The following KHDRBS2 variants were observed in gnomAD, a reference collection of about 807,000 sequenced individuals.
KHDRBS2 encodes KH domain-containing, RNA-binding, signal transduction-associated protein 2.
KHDRBS2 carries 26 observed loss-of-function variants against 44.3 expected under a neutral mutation model. The observed-to-expected ratio is 0.59, with a 90% CI of 0.43 to 0.81. KHDRBS2 has a LOEUF of 0.81. KHDRBS2 is among the 40% of genes least tolerant of loss of function. KHDRBS2 has a pLI of 0.00. For missense variants in KHDRBS2, 476 were observed against 433.1 expected (o/e 1.10, Z -0.88); for synonymous variants, 194 against 151.1 (o/e 1.28, Z -2.08).
At chr6:61,681,353 T>C (rs1204115) in intron 8 of KHDRBS2, among the ~76,000 whole-genome samples, 128,439 of 151,796 alleles carry the variant, frequency 0.85, 54,662 homozygotes, top group Non-Finnish European at 0.9. Flanking sequence ...ATAAATAAAT[T>C]GGATATAGGA....
At chr6:61,856,597 GAT>G (rs1320988191) in intron 6 of KHDRBS2, among the ~76,000 whole-genome samples, 41 of 151,556 alleles carry the variant, frequency 2.7e-4, no homozygotes, top group Non-Finnish European at 8.8e-5. Context: ...TTATTTTCAA[GAT>G]AAGTTTTATT....
At chr6:61,547,981 G>A in the KHDRBS2 span, among the ~76,000 whole-genome samples, 2 of 152,158 alleles carry the variant, frequency 1.3e-5, no homozygotes, top group South Asian at 2.1e-4. Flanking sequence ...ACACATAAAA[G>A]TAATCTCCAA....
chr6:61,948,789 C>A (rs922708413), intron 4 of KHDRBS2, among the ~76,000 whole-genome samples: 11 of 151,630 alleles, frequency 7.3e-5, no homozygotes, highest in Middle Eastern at 3.2e-3. Context: ...TGGAACTATA[C>A]GCACATGCCT....
chr6:61,607,316 T>C, the KHDRBS2 span, among the ~76,000 whole-genome samples: 1 of 151,394 alleles, frequency 6.6e-6, no homozygotes, highest in African/African-American at 2.4e-5. Flanking sequence ...AACATGCTAA[T>C]ACTGCACAAT....
Position 62,126,585 on chromosome 6 carries a change from A to G in KHDRBS2, c.219+50600T>C, listed in dbSNP as rs868105099. ...TAGCACAGTCCCAGTGGTGATGGCC[A>G]CAAAAGTACTTGGGCCACCCCTCCC... On this transcript the variant is annotated intron_variant, in intron 2 of 8. Coordinates refer to ENST00000281156, the MANE Select transcript of KHDRBS2 (RefSeq NM_152688.4). 1.1e-4 allele frequency among the ~76,000 whole-genome samples: 16 copies of G among 152,308 alleles called. No individual in the cohort carries two copies. The Middle Eastern group carries it at 0.01, about 97-fold the overall frequency.
intron 4 of KHDRBS2, among the ~76,000 whole-genome samples, chr6:61,925,784 A>C (rs551493294): frequency 1.3e-5 from 2 of 152,214 alleles, no homozygotes; most frequent in South Asian, 4.1e-4. Flanking sequence ...TTTTTAATAA[A>C]GATTAACATG....
chr6:62,065,361 T>C (rs1188063813), intron 2 of KHDRBS2, among the ~76,000 whole-genome samples: 3 of 151,484 alleles, frequency 2.0e-5, no homozygotes, highest in Non-Finnish European at 3.0e-5. Flanking sequence ...TTATTCACAA[T>C]AGCAAAGACT....
At chr6:61,546,819 C>T in the KHDRBS2 span, among the ~76,000 whole-genome samples, 1 of 152,052 alleles carries the variant, frequency 6.6e-6, no homozygotes, top group African/African-American at 2.4e-5. Flanking sequence ...TGTACCACAT[C>T]GTTTATTATC....
chr6:61,871,317 GA>G (rs1798625738), intron 6 of KHDRBS2, among the ~76,000 whole-genome samples: 1 of 152,116 alleles, frequency 6.6e-6, no homozygotes, highest in South Asian at 2.1e-4. Flanking sequence ...AAAAAACAAT[GA>G]AAAGGAATAA....
the KHDRBS2 span, among the ~76,000 whole-genome samples, chr6:61,623,863 A>G: frequency 6.6e-6 from 1 of 152,178 alleles, no homozygotes; most frequent in African/African-American, 2.4e-5. Context: ...GTTGCATTAC[A>G]GTCACATTCA....
At chr6:61,867,355 A>G (rs1485747795) in intron 6 of KHDRBS2, among the ~76,000 whole-genome samples, 1 of 152,176 alleles carries the variant, frequency 6.6e-6, no homozygotes. Context: ...CATGCCCCTC[A>G]TGATTCAATT....
At chr6:62,035,408 T>C (rs1462426420) in intron 3 of KHDRBS2, among the ~76,000 whole-genome samples, 1 of 151,978 alleles carries the variant, frequency 6.6e-6, no homozygotes, top group East Asian at 1.9e-4. Context: ...ACAAATATTG[T>C]ATGTTGTCAC....
At chr6:61,626,519 A>G in the KHDRBS2 span, among the ~76,000 whole-genome samples, 5 of 152,372 alleles carry the variant, frequency 3.3e-5, no homozygotes, top group East Asian at 9.6e-4. Flanking sequence ...AGAAAGAAGT[A>G]TTTAAGTCAC....
At chr6:61,679,960 A>G (rs1766150712), downstream of KHDRBS2, 1 of 151,956 alleles carries the variant, frequency 6.6e-6, no homozygotes, top group African/African-American at 2.4e-5. Context: ...AGCTTAGAGG[A>G]TAGTTTAAAA....
chr6:62,229,672 A>G (rs1563100362), intron 1 of KHDRBS2, among the ~76,000 whole-genome samples: 1 of 152,134 alleles, frequency 6.6e-6, no homozygotes, highest in Non-Finnish European at 1.5e-5. Context: ...GGGTTTCACA[A>G]TTCCGTGGAA....
chr6:62,238,150 AT>A, intron 1 of KHDRBS2, among the ~76,000 whole-genome samples: 1 of 152,190 alleles, frequency 6.6e-6, no homozygotes, highest in Admixed American at 6.6e-5. Flanking sequence ...CACTTGGTAT[AT>A]TTTAATTTAT....
chr6:62,280,799 A>C (rs571358976), intron 1 of KHDRBS2, among the ~76,000 whole-genome samples: 1 of 152,356 alleles, frequency 6.6e-6, no homozygotes, highest in East Asian at 1.9e-4. Context: ...GGAGATACAA[A>C]TAAAGGATTT....
intron 6 of KHDRBS2, among the ~76,000 whole-genome samples, chr6:61,762,257 T>C (rs1184898620): frequency 9.2e-5 from 14 of 152,206 alleles, no homozygotes; most frequent in Admixed American, 2.0e-4. Context: ...ATAAACTGGA[T>C]ACTTTTTCCT....
intron 6 of KHDRBS2, among the ~76,000 whole-genome samples, chr6:61,827,247 A>G (rs763720093): frequency 5.3e-5 from 8 of 152,198 alleles, no homozygotes; most frequent in Non-Finnish European, 1.2e-4. Context: ...CAAAATGCAC[A>G]AAGTCCCTCT....
Sources: gnomAD v4.1 joint callset for allele counts (sites outside exome capture counted in the v4.1 genomes callset) on GRCh38, gnomAD v4.1.1 for gene constraint, MANE v1.5 for transcripts, NCBI Gene and HGNC (gene_info 2026-07-23, HGNC 2026-07-21) for gene names.